The following SOS2 variants were observed in gnomAD, a reference collection of about 807,000 sequenced individuals.
SOS2 encodes SOS Ras/Rho guanine nucleotide exchange factor 2.
SOS2 carries 65 observed loss-of-function variants against 148.2 expected under a neutral mutation model. The observed-to-expected ratio is 0.44, with a 90% confidence interval of 0.36 to 0.54. The LOEUF is 0.54. Among genes scored for constraint, SOS2 ranks in the 20% least tolerant of loss-of-function variants. The pLI, the probability that SOS2 is intolerant of heterozygous loss-of-function variation, is 0.00. For synonymous variants in SOS2, 539 were observed against 537.1 expected, an observed-to-expected ratio of 1.00 and a Z score of -0.05; for missense variants, 1,341 against 1,590.2, an observed-to-expected ratio of 0.84 and a Z score of 2.67.
At chr14:50,154,113 G>GAA (rs1157588373) in intron 12 of SOS2, among the ~76,000 whole-genome samples, 12 of 152,198 alleles carry the variant, frequency 7.9e-5, no homozygotes, top group African/African-American at 2.4e-4. Flanking sequence ...GGAAGAGGAA[G>GAA]AAGGGAAAAG....
At chr14:50,194,390 A>C (rs1026188246) in intron 4 of SOS2, among the ~76,000 whole-genome samples, 3 of 151,918 alleles carry the variant, frequency 2.0e-5, no homozygotes, top group African/African-American at 7.2e-5. Flanking sequence ...GGTAACTTTT[A>C]ACCTAGAAGA....
chr14:50,186,774 T>C (rs549970991), intron 5 of SOS2, among the ~76,000 whole-genome samples: 3 of 152,168 alleles, frequency 2.0e-5, no homozygotes, highest in Admixed American at 6.6e-5. Flanking sequence ...GTATTCCCAG[T>C]AGGAGTTATT....
At chr14:50,121,966 G>A (rs1362463372) in intron 21 of SOS2, among the ~76,000 whole-genome samples, 1 of 152,136 alleles carries the variant, frequency 6.6e-6, no homozygotes, top group East Asian at 1.9e-4. Context: ...ATAGGCATGG[G>A]ACTCACTTTC....
At chr14:50,171,444 G>A (rs1368067092) in intron 8 of SOS2, among the ~76,000 whole-genome samples, 8 of 151,866 alleles carry the variant, frequency 5.3e-5, no homozygotes, top group Non-Finnish European at 7.4e-5. Flanking sequence ...CCAGCATCTC[G>A]GGAGGCCAAG....
chr14:50,123,822 T>C (rs1209242455), intron 21 of SOS2, among the ~76,000 whole-genome samples: 1 of 152,160 alleles, frequency 6.6e-6, no homozygotes, highest in African/African-American at 2.4e-5. Flanking sequence ...AGGTAAAAGT[T>C]ATGGTGGCTT....
At chr14:50,145,816 T>C (rs575629072) in intron 14 of SOS2, among the ~76,000 whole-genome samples, 1 of 152,296 alleles carries the variant, frequency 6.6e-6, no homozygotes, top group East Asian at 1.9e-4. Flanking sequence ...TGAAATCCCA[T>C]TTTACTCATT....
Position 50,120,337 on chromosome 14 carries a change from G to C in SOS2, c.3427C>G (p.Pro1143Ala). 6.2e-7 allele frequency: 1 copy of C among 1,608,398 alleles called. No homozygotes were observed. The highest frequency in any genetic ancestry group is 8.5e-7 in the Non-Finnish European group (1 of 1,176,248). Residue 1143 changes from proline to alanine, a missense_variant, in exon 22 of 23, where the codon CCC (proline) becomes GCC (alanine). Pro to Ala is a conservative substitution (Grantham distance 27, BLOSUM62 -1). This residue lies in a region of SOS2 where 354 missense variants were observed against 347.7 expected (regional missense o/e 1.02). Coordinates refer to ENST00000216373, the MANE Select transcript of SOS2 (RefSeq NM_006939.4). ...CGSLHKLSEE[P>A]LIPPPLPPRK... ...GGAGGAAGAGGAGGAGGAATCAGGGGCTCTTCACTTAGTTTATGTAAACTA... is the reference window on the plus strand; with the variant it reads ...GGAGGAAGAGGAGGAGGAATCAGGGCCTCTTCACTTAGTTTATGTAAACTA...
chr14:50,206,562 T>C (rs115628807), intron 1 of SOS2, among the ~76,000 whole-genome samples: 1,966 of 152,334 alleles, frequency 0.013, 40 homozygotes, highest in African/African-American at 0.043. Context: ...ATGTGTTCAG[T>C]ACAAATGCAA....
intron 18 of SOS2, among the ~76,000 whole-genome samples, chr14:50,135,089 A>AAAAAAAAGAAAGAAAGAAAGAAAG (rs1555368583): frequency 3.0e-5 from 4 of 131,530 alleles, no homozygotes; most frequent in Non-Finnish European, 4.8e-5. Context: ...AAAAAAAAAA[A>AAAAAAAAGAAAGAAAGAAAGAAAG]AAAGAAAGAA....
rs1886120249 is a variant in SOS2 at position 50,191,103 on chromosome 14, T to C, written c.511-2403A>G. ...ATCTAGTGTCAAATCTAATGGTGTG[T>C]TTTAGTCTTCCTACTTGTTTTCTCT... On this transcript the variant is annotated intron_variant, in intron 4 of 22. Transcript: ENST00000216373. 2.6e-5 allele frequency among the ~76,000 whole-genome samples: 4 copies of C among 152,186 alleles called. No individual in the cohort carries two copies. In the South Asian group the frequency reaches 8.3e-4, roughly 32 times the overall value.
Position 50,227,339 on chromosome 14 carries a change from T to C in SOS2, c.87+3858A>G, listed in dbSNP as rs192895995. 2.8e-3 allele frequency among the ~76,000 whole-genome samples: 413 copies of C among 146,938 alleles called. 4 individuals carry two copies. The highest frequency in any genetic ancestry group is 0.014 in the Middle Eastern group (4 of 286). On this transcript the variant is annotated intron_variant, in intron 1 of 22. Transcript: ENST00000216373. Reference sequence around the variant, plus strand: ...AGCCCACTCTAACCTCTGCCTCCCATGTTCAAGAGATTCTCTGCCTCAGCC... The same window carrying C: ...AGCCCACTCTAACCTCTGCCTCCCACGTTCAAGAGATTCTCTGCCTCAGCC...
rs1483996654 is a variant in SOS2, at chr14:50,224,312, TATAC to T, written c.87+6881_87+6884del. On this transcript the variant is annotated intron_variant, in intron 1 of 22. Coordinates refer to ENST00000216373, the MANE Select transcript of SOS2 (RefSeq NM_006939.4). ...TCTCAGGAAAAAAAAAAAATATATA[TATAC>T]ACACACACACACACACACACACACA... Among the ~76,000 whole-genome samples the T allele has an allele frequency of 2.2e-3, 117 of 53,270 alleles. 1 individual carries two copies. The Middle Eastern group carries it at 0.056, about 25-fold the overall frequency. 34.9% of individuals were successfully genotyped at this position (53,270 alleles called of 152,430 possible).
In SOS2 at chr14:50,118,614, G is replaced by A. The variant is rs761917783; in HGVS notation, c.3729C>T (p.His1243=). 24 of 1,614,128 alleles carry A rather than the reference G, an allele frequency of 1.5e-5. No individual in the cohort carries two copies. In the Admixed American group the frequency reaches 3.7e-4, roughly 25 times the overall value. Residue 1243 remains histidine, a synonymous_variant, in exon 23 of 23, where the codon CAC becomes CAT. Transcript: ENST00000216373. The part of the protein sequence containing the change: ...NLQPPPLGHL[H]RDSDWLRDIS... ...TGTCTCTGAGCCAGTCTGAATCTCT[G>A]TGAAGATGCCCCAGTGGAGGTGGCT...
intron 8 of SOS2, among the ~76,000 whole-genome samples, chr14:50,167,534 T>TA (rs1379726491): frequency 1.3e-5 from 2 of 149,408 alleles, no homozygotes; most frequent in East Asian, 2.0e-4. Context: ...AGACTCTGTC[T>TA]AAAAAAAACA....
In SOS2 at chr14:50,182,504, G is replaced by C. The variant is rs939707624; in HGVS notation, c.817C>G (p.Pro273Ala). The change falls in exon 6 of 23, where the codon CCT becomes GCT. Residue 273 changes from proline (P) to alanine (A), a missense_variant. Physicochemically the swap from Pro to Ala is conservative, Grantham distance 27 (BLOSUM62 -1). Coordinates refer to ENST00000216373, the MANE Select transcript of SOS2 (RefSeq NM_006939.4). ...AAACAGCTGCCAGCTAAGGGATGAG[G>C]ACTGCTTTCATCAGTCATTTCAACT... is the stretch of plus-strand genomic sequence containing the variant. The part of the protein sequence containing the change: ...DTVEMTDESS[P>A]HPLAGSCFED... The C allele has an allele frequency of 1.9e-6, 3 of 1,613,694 alleles. No individual in the cohort carries two copies. The highest frequency in any genetic ancestry group is 2.5e-6 in the Non-Finnish European group (3 of 1,179,764).
chr14:50,192,480 C>G (rs751956605), intron 4 of SOS2, among the ~76,000 whole-genome samples: 10 of 152,064 alleles, frequency 6.6e-5, no homozygotes, highest in Non-Finnish European at 1.5e-4. Context: ...CGCTTGAACA[C>G]GGGAGGCAGA....
At chr14:50,150,871 C>T (rs553357820) in intron 13 of SOS2, among the ~76,000 whole-genome samples, 3 of 152,214 alleles carry the variant, frequency 2.0e-5, no homozygotes, top group South Asian at 4.1e-4. Flanking sequence ...TATAGGTGCA[C>T]ACTACCATGC....
intron 18 of SOS2, among the ~76,000 whole-genome samples, 182 bp downstream of exon 18, chr14:50,138,428 TGG>T (rs1884157670): frequency 6.6e-6 from 1 of 152,208 alleles, no homozygotes; most frequent in Non-Finnish European, 1.5e-5. Flanking sequence ...CCCAAAGTGC[TGG>T]GATTACAGGC....
At chr14:50,225,719 A>C (rs1044674305) in intron 1 of SOS2, among the ~76,000 whole-genome samples, 4 of 152,194 alleles carry the variant, frequency 2.6e-5, no homozygotes, top group African/African-American at 7.2e-5. Context: ...TGTCACAAAA[A>C]TCACAGGATC....
Sources: gnomAD v4.1 joint callset for allele counts (sites outside exome capture counted in the v4.1 genomes callset) on GRCh38, gnomAD v4.1.1 for gene constraint, gnomAD v4.1.1 regional missense constraint, MANE v1.5 for transcripts, NCBI Gene and HGNC (gene_info 2026-07-23, HGNC 2026-07-21) for gene names.